The following ATP8A2 variants were observed in gnomAD, a reference collection of about 807,000 sequenced individuals.
ATP8A2 encodes the protein phospholipid-transporting ATPase IB.
ATP8A2 carries 100 observed loss-of-function variants against 165.6 expected under a neutral mutation model. That is an observed-to-expected ratio of 0.60 (90% CI 0.51 to 0.71). ATP8A2 has a LOEUF of 0.71. ATP8A2 is among the 30% of genes least tolerant of loss of function. The pLI is 0.00. For missense variants in ATP8A2, 1,227 were observed against 1,479.5 expected, an observed-to-expected ratio of 0.83 and a Z score of 2.80; for synonymous variants, 543 against 548.8, an observed-to-expected ratio of 0.99 and a Z score of 0.15.
At chr13:25,909,127 G>A (rs1954032508) in intron 33 of ATP8A2, among the ~76,000 whole-genome samples, 1 of 152,006 alleles carries the variant, frequency 6.6e-6, no homozygotes, top group African/African-American at 2.4e-5. Context: ...ATGGTCAATG[G>A]GTACAGAATT....
At position 25,518,519 on chromosome 13, in the gene ATP8A2, T is replaced by C. The variant is rs79678815; in HGVS notation, c.222-11480T>C. Among the ~76,000 whole-genome samples, 3 of 146,424 alleles carry C rather than the reference T, an allele frequency of 2.0e-5. No homozygotes were observed. The Admixed American group carries it at 2.1e-4, about 10-fold the overall frequency. Reference sequence around the variant, plus strand: ...TGGATTTACTGTTTCCATTTTGGTGTTGCGTGTTAAGGTTTAGCTTAATTT... The same window carrying C: ...TGGATTTACTGTTTCCATTTTGGTGCTGCGTGTTAAGGTTTAGCTTAATTT... On this transcript the variant is annotated intron_variant, in intron 2 of 36. Coordinates refer to ENST00000381655, the MANE Select transcript of ATP8A2 (RefSeq NM_016529.6).
chr13:25,447,067 T>C (rs969656779), intron 1 of ATP8A2, among the ~76,000 whole-genome samples: 8 of 152,176 alleles, frequency 5.3e-5, no homozygotes, highest in African/African-American at 1.9e-4. Context: ...ACATTCCTAA[T>C]TGCGTTAAAT....
chr13:25,418,475 T>A (rs2034199372), intron 1 of ATP8A2, among the ~76,000 whole-genome samples: 1 of 139,466 alleles, frequency 7.2e-6, no homozygotes. Flanking sequence ...AAAGGATATT[T>A]TTTTTTCCAA....
At chr13:25,838,612 C>CT in intron 29 of ATP8A2, among the ~76,000 whole-genome samples, 2 of 150,092 alleles carry the variant, frequency 1.3e-5, no homozygotes, top group Non-Finnish European at 3.0e-5. Flanking sequence ...GCAAAATGAA[C>CT]ATTTAAAGCA....
At chr13:25,997,017 C>T (rs1233686746) in intron 35 of ATP8A2, among the ~76,000 whole-genome samples, 1 of 152,162 alleles carries the variant, frequency 6.6e-6, no homozygotes, top group Non-Finnish European at 1.5e-5. Context: ...CAGGGTTTCA[C>T]CATGTTGGCC....
chr13:25,968,060 A>G (rs147268100), intron 34 of ATP8A2, among the ~76,000 whole-genome samples: 1 of 152,280 alleles, frequency 6.6e-6, no homozygotes, highest in Non-Finnish European at 1.5e-5. Flanking sequence ...CATCCAGACC[A>G]TGCACTCTAG....
At chr13:25,856,513 C>T (rs977624478) in intron 30 of ATP8A2, among the ~76,000 whole-genome samples, 3 of 152,174 alleles carry the variant, frequency 2.0e-5, no homozygotes, top group African/African-American at 7.2e-5. Flanking sequence ...AACAAAATTG[C>T]ACTTGCACCC....
chr13:25,845,524 G>T (rs1202207969), intron 30 of ATP8A2, among the ~76,000 whole-genome samples: 1 of 152,088 alleles, frequency 6.6e-6, no homozygotes, highest in Non-Finnish European at 1.5e-5. Context: ...AATACCATAC[G>T]GATTCTTATG....
intron 33 of ATP8A2, among the ~76,000 whole-genome samples, chr13:25,931,379 C>T (rs188628): frequency 0.73 from 111,022 of 152,056 alleles, 41,160 homozygotes; most frequent in East Asian, 0.99. Flanking sequence ...TCCAAAATAC[C>T]TCTGGCCCCA....
At chr13:25,885,133 G>A (rs56004985) in intron 33 of ATP8A2, among the ~76,000 whole-genome samples, 33,131 of 131,700 alleles carry the variant, frequency 0.25, 4,702 homozygotes, top group African/African-American at 0.36. Flanking sequence ...TTTTTTTGAG[G>A]TGGAGTCTTG....
At chr13:25,825,269 T>C (rs925565743) in intron 27 of ATP8A2, among the ~76,000 whole-genome samples, 7 of 146,130 alleles carry the variant, frequency 4.8e-5, no homozygotes, top group Non-Finnish European at 9.0e-5. Flanking sequence ...GGAATCCTCC[T>C]GCCTTAGCCT....
chr13:25,627,052 G>C (rs760004922), intron 24 of ATP8A2, among the ~76,000 whole-genome samples: 2 of 152,084 alleles, frequency 1.3e-5, no homozygotes, highest in Admixed American at 1.3e-4. Flanking sequence ...ATGAGAGCTC[G>C]GTGGGAATAC....
At chr13:25,934,827 G>GA (rs550510353) in intron 33 of ATP8A2, among the ~76,000 whole-genome samples, 2 of 151,948 alleles carry the variant, frequency 1.3e-5, no homozygotes, top group East Asian at 1.9e-4. Context: ...AAAAGACAAA[G>GA]AAAAAAAACA....
At chr13:25,386,798 C>A in intron 1 of ATP8A2, among the ~76,000 whole-genome samples, 1 of 152,030 alleles carries the variant, frequency 6.6e-6, no homozygotes, top group African/African-American at 2.4e-5. Flanking sequence ...GAGATCGAGA[C>A]CAATCTGGCT....
At chr13:25,725,791 T>G (rs1259376288) in intron 25 of ATP8A2, among the ~76,000 whole-genome samples, 1 of 152,220 alleles carries the variant, frequency 6.6e-6, no homozygotes, top group Non-Finnish European at 1.5e-5. Flanking sequence ...ATCAATCTTG[T>G]AGCTTTTAAG....
intron 16 of ATP8A2, among the ~76,000 whole-genome samples, chr13:25,567,551 C>T (rs964993115): frequency 7.2e-5 from 11 of 152,126 alleles, no homozygotes; most frequent in Admixed American, 7.2e-4. Flanking sequence ...TTGTGATGAC[C>T]ATCCAAACAC....
chr13:25,832,165 T>A (rs919789055), intron 28 of ATP8A2, among the ~76,000 whole-genome samples: 1 of 152,106 alleles, frequency 6.6e-6, no homozygotes, highest in Non-Finnish European at 1.5e-5. Context: ...CTTGAACTCC[T>A]GACCTCAGGT....
At chr13:25,903,961 G>A (rs184174077) in intron 33 of ATP8A2, among the ~76,000 whole-genome samples, 1 of 152,204 alleles carries the variant, frequency 6.6e-6, no homozygotes, top group East Asian at 1.9e-4. Flanking sequence ...TGAATCTTCT[G>A]GGGAGCATTT....
chr13:25,935,647 G>A (rs1954864054), intron 33 of ATP8A2, among the ~76,000 whole-genome samples: 1 of 152,088 alleles, frequency 6.6e-6, no homozygotes, highest in South Asian at 2.1e-4. Context: ...CAAGGGGTAG[G>A]GGAAGCATCA....
Sources: gnomAD v4.1 joint callset for allele counts (sites outside exome capture counted in the v4.1 genomes callset) on GRCh38, gnomAD v4.1.1 for gene constraint, MANE v1.5 for transcripts, NCBI Gene and HGNC (gene_info 2026-07-23, HGNC 2026-07-21) for gene names.